The following SYT5 variants were observed in gnomAD, a reference collection of about 807,000 sequenced individuals.
The protein encoded by SYT5 is synaptotagmin-5.
SYT5 carries 29 observed loss-of-function variants against 36.0 expected under a neutral mutation model. That is an observed-to-expected ratio of 0.81 (90% confidence interval 0.60 to 1.10). The LOEUF (loss-of-function observed/expected upper bound fraction) is 1.10. Ranked by LOEUF, SYT5 falls within the 50% of genes least tolerant of loss-of-function variation. The pLI is 0.00. For missense variants in SYT5, 512 were observed against 516.0 expected (o/e 0.99, Z 0.08); for synonymous variants, 231 against 227.6 (o/e 1.02, Z -0.14).
intron 3 of SYT5, among the ~76,000 whole-genome samples, chr19:55,176,797 G>C (rs1323603621): frequency 6.6e-6 from 1 of 152,148 alleles, no homozygotes; most frequent in Non-Finnish European, 1.5e-5. Context: ...TGGACACCAG[G>C]ACCCTAAATA....
At chr19:55,174,176 T>G in intron 8 of SYT5, 1 of 225,454 alleles carries the variant, frequency 4.4e-6, no homozygotes. Context: ...CTGGTCCTGC[T>G]TGGGGGCGGG....
Position 55,175,036 on chromosome 19 carries a change from C to T in SYT5, c.709-37G>A. 2 of 1,607,606 alleles carry T rather than the reference C, an allele frequency of 1.2e-6. No homozygotes were observed. The highest frequency in any genetic ancestry group is 8.5e-7 in the Non-Finnish European group (1 of 1,178,588). On this transcript the variant is annotated intron_variant, in intron 6 of 8. Coordinates refer to ENST00000354308, the MANE Select transcript of SYT5 (RefSeq NM_003180.3). The surrounding 1 kb of genome is among the most constrained non-coding windows in gnomAD (Gnocchi z 4.5). The stretch of plus-strand genomic sequence containing the variant: ...GGGGCCCATCACCAGAGCCCCGGCT[C>T]CACATCCATGCCTCCTCAGGGGTAC...
intron 8 of SYT5, chr19:55,174,156 G>A: frequency 4.7e-6 from 1 of 213,090 alleles, no homozygotes; most frequent in Non-Finnish European, 9.3e-6. Flanking sequence ...CCGCTTGGGG[G>A]CGGGGCATCC....
rs961473293 is a variant in SYT5 at position 55,175,212 on chromosome 19, A to T, written c.668T>A (p.Val223Glu). Residue 223 changes from valine (V) to glutamate (E), a missense_variant, in exon 6 of 9, where the codon GTG becomes GAG. By Grantham distance (121) the Val-to-Glu change is moderately radical. Coordinates refer to ENST00000354308, the MANE Select transcript of SYT5 (RefSeq NM_003180.3). The surrounding 1 kb of genome is among the most constrained non-coding windows in gnomAD (Gnocchi z 4.5). Reference sequence around the variant, plus strand: ...CGCCTGCAGCTCCCGCCAGGCCTGCACTGGCCGCCCCAGGTCCACGGAGCT... The same window carrying T: ...CGCCTGCAGCTCCCGCCAGGCCTGCTCTGGCCGCCCCAGGTCCACGGAGCT... ...PMSSVDLGRPVQAWRELQAAP... is the reference protein window; with the variant it reads ...PMSSVDLGRPEQAWRELQAAP... 6.2e-7 allele frequency: 1 copy of T among 1,610,566 alleles called. No homozygotes were observed. The highest frequency in any genetic ancestry group is 8.5e-7 in the Non-Finnish European group (1 of 1,178,780).
rs1372512125 is a variant in SYT5 at position 55,171,998 on chromosome 19, T to G, written c.*1486A>C. 6.6e-6 allele frequency: 1 copy of G among 151,936 alleles called. No individual in the cohort carries two copies. The highest frequency in any genetic ancestry group is 1.5e-5 in the Non-Finnish European group (1 of 68,090). 9.4% of individuals were successfully genotyped at this position (151,936 alleles called of 1,614,324 possible). A position where few individuals can be genotyped will look rare whatever the true frequency, so the allele number is the denominator to read the frequency against. On this transcript the variant is annotated 3_prime_UTR_variant, in exon 9 of 9. Coordinates refer to ENST00000354308, the MANE Select transcript of SYT5 (RefSeq NM_003180.3). The stretch of plus-strand genomic sequence containing the variant: ...AAGAGGCTGAGGCAGAAGAATCGCT[T>G]GAACCCGGGAGGCAGGGGTTGCGGT...
rs73935318 is a variant in SYT5 at position 55,178,151 on chromosome 19, A to G, written c.252+45T>C. 2,161 of 1,584,980 alleles carry G rather than the reference A, an allele frequency of 1.4e-3. 26 individuals are homozygous for G. The African/African-American group carries it at 0.025, about 18-fold the overall frequency. ...GACCAGCTGGGCCATTGAGAGGAGC[A>G]GGGTGCGGGAAGGGGCCAGGTGGAG... is the stretch of plus-strand genomic sequence containing the variant. On this transcript the variant is annotated intron_variant, in intron 3 of 8. Coordinates refer to ENST00000354308, the MANE Select transcript of SYT5 (RefSeq NM_003180.3).
rs2086067873 is a variant in SYT5, at chr19:55,175,695, A to T, written c.540+14T>A. On this transcript the variant is annotated intron_variant, in intron 5 of 8. Coordinates refer to ENST00000354308, the MANE Select transcript of SYT5 (RefSeq NM_003180.3). The surrounding 1 kb of genome is among the most constrained non-coding windows in gnomAD (Gnocchi z 4.5). ...ACAGGCTATGGAACACGGGGCCTGA[A>T]GGCAGGAGCTCACCTTGAAGGCGAA... The T allele has an allele frequency of 1.2e-6, 2 of 1,612,012 alleles. No individual in the cohort carries two copies. The highest frequency in any genetic ancestry group is 1.7e-5 in the Admixed American group (1 of 59,966).
chr19:55,178,816 G>T, intron 2 of SYT5, 147 bp downstream of exon 2: 2 of 256,874 alleles, frequency 7.8e-6, no homozygotes, highest in Non-Finnish European at 1.1e-5. Flanking sequence ...ACCCCATTTC[G>T]TTCGCATTCC....
At position 55,175,415 on chromosome 19, in the gene SYT5, G is replaced by C; in HGVS notation, c.541-76C>G. 7.0e-7 allele frequency: 1 copy of C among 1,426,684 alleles called. No homozygotes were observed. Among genetic ancestry groups the C allele is most frequent in the Non-Finnish European group, 9.3e-7 (1 of 1,077,096 alleles). 88.4% of individuals were successfully genotyped at this position (1,426,684 alleles called of 1,614,324 possible). A position where few individuals can be genotyped will look rare whatever the true frequency, so the allele number is the denominator to read the frequency against. Reference sequence around the variant, plus strand: ...TGAGGCACAGCACAACCAGAAGGAAGGCATGGAGTGAGGCAGCGAGGGTCG... The same window carrying C: ...TGAGGCACAGCACAACCAGAAGGAACGCATGGAGTGAGGCAGCGAGGGTCG... On this transcript the variant is annotated intron_variant, in intron 5 of 8. Transcript: ENST00000354308. This position sits in a 1 kb window ranked among gnomAD's most constrained non-coding sequence, Gnocchi z 4.5.
Position 55,174,926 on chromosome 19 carries a change from A to C in SYT5, c.782T>G (p.Leu261Arg), listed in dbSNP as rs1030197643. Residue 261 changes from leucine (L) to arginine (R), a missense_variant, in exon 7 of 9, where the codon CTG becomes CGG. By Grantham distance (102) the Leu-to-Arg change is moderately radical. Coordinates refer to ENST00000354308, the MANE Select transcript of SYT5 (RefSeq NM_003180.3). ...CATCTTCTTCAGGTTTTTAGCCTCC[A>C]GGACGATGACGGTGAGCTTCCCGGC... ...PTAGKLTVIVLEAKNLKKMDV... is the reference protein window; with the variant it reads ...PTAGKLTVIVREAKNLKKMDV... 3.7e-6 allele frequency: 6 copies of C among 1,614,056 alleles called. No homozygotes were observed. The Admixed American group carries it at 1.0e-4, about 27-fold the overall frequency.
At position 55,174,925 on chromosome 19, in the gene SYT5, C is replaced by G. The variant is rs145438894; in HGVS notation, c.783G>C (p.Leu261=). Residue 261 remains leucine (L), a synonymous_variant, in exon 7 of 9, where the codon CTG becomes CTC. Coordinates refer to ENST00000354308, the MANE Select transcript of SYT5 (RefSeq NM_003180.3). ...PTAGKLTVIV[L]EAKNLKKMDV... is the part of the protein sequence containing the mutation. ...CCATCTTCTTCAGGTTTTTAGCCTC[C>G]AGGACGATGACGGTGAGCTTCCCGG... 1 of 1,614,180 alleles carries G rather than the reference C, an allele frequency of 6.2e-7. No individual in the cohort carries two copies. Among genetic ancestry groups the G allele is most frequent in the Admixed American group, 1.7e-5 (1 of 60,026 alleles).
In SYT5 at chr19:55,172,015, G is replaced by T. The variant is rs1349721235; in HGVS notation, c.*1469C>A. On this transcript the variant is annotated 3_prime_UTR_variant, in exon 9 of 9. Transcript: ENST00000354308. The stretch of plus-strand genomic sequence containing the variant: ...GAATCGCTTGAACCCGGGAGGCAGG[G>T]GTTGCGGTGAGCCGAGATTGCACCA... The T allele has an allele frequency of 6.6e-6, 1 of 152,044 alleles. No individual in the cohort carries two copies. Among genetic ancestry groups the T allele is most frequent in the African/African-American group, 2.4e-5 (1 of 41,350 alleles). 9.4% of individuals were successfully genotyped at this position (152,044 alleles called of 1,614,324 possible). A position where few individuals can be genotyped will look rare whatever the true frequency, so the allele number is the denominator to read the frequency against.
rs2086099388 is a variant in SYT5 at position 55,178,246 on chromosome 19, G to C, written c.202C>G (p.Gln68Glu). 2 of 1,609,974 alleles carry C rather than the reference G, an allele frequency of 1.2e-6. No homozygotes were observed. Among genetic ancestry groups the C allele is most frequent in the Non-Finnish European group, 8.5e-7 (1 of 1,178,328 alleles). ...CCCTTCACTTCCTGAAGGTGGACCT[G>C]GGCTTGGGCCTGGCTCTTCTTGCCT... is the stretch of plus-strand genomic sequence containing the variant. ...RTGKKSQAQA[Q>E]VHLQEVKGLG... Residue 68 changes from glutamine (Q) to glutamate (E), a missense_variant, in exon 3 of 9, where the codon CAG becomes GAG. Gln to Glu is a conservative substitution (Grantham distance 29). Transcript: ENST00000354308.
At chr19:55,178,036 G>A (rs115234307) in intron 3 of SYT5, among the ~76,000 whole-genome samples, 160 bp downstream of exon 3, 2,023 of 152,280 alleles carry the variant, frequency 0.013, 44 homozygotes, top group African/African-American at 0.047. Context: ...TTCCATCTCT[G>A]GGTCCCCAGA....
At position 55,179,195 on chromosome 19, in the gene SYT5, C is replaced by T; in HGVS notation, c.-45-109G>A. 1.3e-6 allele frequency: 2 copies of T among 1,532,720 alleles called. No homozygotes were observed. Among genetic ancestry groups the T allele is most frequent in the Non-Finnish European group, 1.7e-6 (2 of 1,144,938 alleles). 94.9% of individuals were successfully genotyped at this position (1,532,720 alleles called of 1,614,324 possible). On this transcript the variant is annotated intron_variant, in intron 1 of 8. Coordinates refer to ENST00000354308, the MANE Select transcript of SYT5 (RefSeq NM_003180.3). This position sits in a 1 kb window ranked among gnomAD's most constrained non-coding sequence, Gnocchi z 4.5. Reference sequence around the variant, plus strand: ...CAGCCGCGCAGAAACCGGACAGCCACCGCGAGTCATGCTGGGAGTTGTAGT... The same window carrying T: ...CAGCCGCGCAGAAACCGGACAGCCATCGCGAGTCATGCTGGGAGTTGTAGT...
At position 55,175,481 on chromosome 19, in the gene SYT5, A is replaced by T. The variant is rs1005710801; in HGVS notation, c.541-142T>A. On this transcript the variant is annotated intron_variant, in intron 5 of 8. Transcript: ENST00000354308. The surrounding 1 kb of genome is among the most constrained non-coding windows in gnomAD (Gnocchi z 4.5). ...GGAACTCAAATGGGAAAGTCCAGGGATCCATGCGGAAAAAAATCACGGGTC... is the reference window on the plus strand; with the variant it reads ...GGAACTCAAATGGGAAAGTCCAGGGTTCCATGCGGAAAAAAATCACGGGTC... 2.7e-6 allele frequency: 3 copies of T among 1,129,960 alleles called. No individual in the cohort carries two copies. Among genetic ancestry groups the T allele is most frequent in the Non-Finnish European group, 3.7e-6 (3 of 818,010 alleles). 70.0% of individuals were successfully genotyped at this position (1,129,960 alleles called of 1,614,324 possible).
intron 3 of SYT5, among the ~76,000 whole-genome samples, chr19:55,176,763 TGGTTTAA>T (rs150063803): frequency 0.076 from 11,551 of 152,136 alleles, 966 homozygotes; most frequent in Admixed American, 0.24. Context: ...TGAACATCAC[TGGTTTAA>T]GGGACAGGGA....
chr19:55,173,064 G>T lies in SYT5; in HGVS notation c.*420C>A, dbSNP rs2086021945. The T allele has an allele frequency of 6.0e-6, 1 of 167,120 alleles. No individual in the cohort carries two copies. The highest frequency in any genetic ancestry group is 1.3e-5 in the Non-Finnish European group (1 of 78,150). The allele number at this position is 167,120 out of a possible 1,614,324, so 10.4% of individuals were successfully genotyped here. ...GGTTTCCTCTTGGGTCCCAGCCCTT[G>T]CCCACCCCCATCAAGGAGCATGGGC... On this transcript the variant is annotated 3_prime_UTR_variant, in exon 9 of 9. Transcript: ENST00000354308. The surrounding 1 kb of genome is among the most constrained non-coding windows in gnomAD (Gnocchi z 5.4).
Position 55,173,601 on chromosome 19 carries a change from G to T in SYT5, c.1044C>A (p.Ala348=), listed in dbSNP as rs1167993371. ...AGTGCCGCAGGCCAGCCCCGCCGGCGGCCGCCCCCACGGCCACCCTCCCGA... is the reference window on the plus strand; with the variant it reads ...AGTGCCGCAGGCCAGCCCCGCCGGCTGCCGCCCCCACGGCCACCCTCCCGA... ...EAIGRVAVGA[A]AGGAGLRHWA... Residue 348 remains alanine, a synonymous_variant, in exon 9 of 9, where the codon GCC becomes GCA. Coordinates refer to ENST00000354308, the MANE Select transcript of SYT5 (RefSeq NM_003180.3). This position sits in a 1 kb window ranked among gnomAD's most constrained non-coding sequence, Gnocchi z 5.4. 6.7e-7 allele frequency: 1 copy of T among 1,483,294 alleles called. No individual in the cohort carries two copies. Among genetic ancestry groups the T allele is most frequent in the Non-Finnish European group, 8.9e-7 (1 of 1,117,562 alleles). The allele number at this position is 1,483,294 out of a possible 1,614,324, so 91.9% of individuals were successfully genotyped here.
Sources: gnomAD v4.1 joint callset for allele counts (sites outside exome capture counted in the v4.1 genomes callset) on GRCh38, gnomAD v4.1.1 for gene constraint, Gnocchi (gnomAD v3.1) non-coding constraint, MANE v1.5 for transcripts, NCBI Gene and HGNC (gene_info 2026-07-23, HGNC 2026-07-21) for gene names.